GLS: variants seen among roughly 807,000 people sequenced by gnomAD.
GLS encodes the protein glutaminase, also known as glutaminase kidney isoform, mitochondrial.
GLS carries 36 observed loss-of-function variants against 86.7 expected under a neutral mutation model. The observed-to-expected ratio is 0.42, with a 90% CI of 0.32 to 0.55. GLS has a LOEUF of 0.55. GLS is among the 20% of genes least tolerant of loss of function. The pLI, the probability that GLS is intolerant of heterozygous loss-of-function variation, is 0.17. For synonymous variants in GLS, 317 were observed against 305.9 expected (o/e 1.04, Z -0.38); for missense variants, 528 against 833.4 (o/e 0.63, Z 4.51).
rs1316207902 is a variant in GLS at position 190,913,416 on chromosome 2, T to C, written c.1038+3095T>C. 8.5e-6 allele frequency: 8 copies of C among 944,050 alleles called. No individual in the cohort carries two copies. The South Asian group carries it at 1.8e-4, about 22-fold the overall frequency. The allele number at this position is 944,050 out of a possible 1,614,324, so 58.5% of individuals were successfully genotyped here. A position where few individuals can be genotyped will look rare whatever the true frequency, so the allele number is the denominator to read the frequency against. The stretch of plus-strand genomic sequence containing the variant: ...AATTTTATACTTAAAATGCACATAA[T>C]TTTTAAAAATCATAAGGGTATTATA... On this transcript the variant is annotated intron_variant, in intron 7 of 17. Transcript: ENST00000320717. This position sits in a 1 kb window ranked among gnomAD's most constrained non-coding sequence, Gnocchi z 6.1.
At chr2:190,899,314 CTG>C (rs942896205) in intron 3 of GLS, among the ~76,000 whole-genome samples, 17 of 152,080 alleles carry the variant, frequency 1.1e-4, no homozygotes, top group African/African-American at 2.4e-4. Flanking sequence ...GAAATTAGGA[CTG>C]TAATTTTTTT....
intron 12 of GLS, among the ~76,000 whole-genome samples, chr2:190,929,911 G>T (rs1445936197): frequency 6.6e-6 from 1 of 151,650 alleles, no homozygotes; most frequent in East Asian, 1.9e-4. Flanking sequence ...GCAGTGGCAT[G>T]ATCTCAGCTC....
intron 1 of GLS, among the ~76,000 whole-genome samples, chr2:190,891,568 A>T (rs972365077): frequency 1.3e-5 from 2 of 152,124 alleles, no homozygotes; most frequent in African/African-American, 4.8e-5. Flanking sequence ...AATAGTGTAA[A>T]ACTAATTTAT....
At chr2:190,940,637 T>A (rs993761496) in intron 14 of GLS, among the ~76,000 whole-genome samples, 1 of 152,096 alleles carries the variant, frequency 6.6e-6, no homozygotes, top group African/African-American at 2.4e-5. Flanking sequence ...GAAGTTGCTT[T>A]CCCACTTGTG....
At chr2:190,892,499 C>G (rs901610119) in intron 1 of GLS, among the ~76,000 whole-genome samples, 1 of 152,062 alleles carries the variant, frequency 6.6e-6, no homozygotes, top group Admixed American at 6.5e-5. Flanking sequence ...ATACTTCTCT[C>G]AAGGATTTCC....
Position 190,900,642 on chromosome 2 carries a change from C to T in GLS, c.684C>T (p.Thr228=), listed in dbSNP as rs540457141. Residue 228 remains threonine, a synonymous_variant, in exon 4 of 18, where the codon ACC becomes ACT. Coordinates refer to ENST00000320717, the MANE Select transcript of GLS (RefSeq NM_014905.5). ...TGATTCCTGACTTTATGTCTTTTAC[C>T]TCACACATTGATGAGTTATATGAAA... ...KFVIPDFMSF[T]SHIDELYESA... 39 of 1,603,792 alleles carry T rather than the reference C, an allele frequency of 2.4e-5. No individual in the cohort carries two copies. In the East Asian group the frequency reaches 8.3e-4, roughly 34 times the overall value.
Position 190,881,364 on chromosome 2 carries a change from G to A in GLS, c.280G>A (p.Val94Met). The change falls in exon 1 of 18, where the codon GTG (valine) becomes ATG (methionine). Residue 94 changes from valine (V) to methionine (M), a missense_variant. By Grantham distance (21) the Val-to-Met change is conservative. Around this residue, in one of 4 missense-constraint regions of GLS, gnomAD observed 224 missense variants for 187.9 expected, o/e 1.19. Transcript: ENST00000320717. ...GGGGAGCACGCATCCGCAGCCCGGG[G>A]TGTCGCCACCCGCTGCCCCGGCGGC... ...GKGSTHPQPG[V>M]SPPAAPAAPG... 1.3e-6 allele frequency: 2 copies of A among 1,539,316 alleles called. No individual in the cohort carries two copies. Among genetic ancestry groups the A allele is most frequent in the East Asian group, 2.5e-5 (1 of 39,642 alleles).
intron 7 of GLS, among the ~76,000 whole-genome samples, chr2:190,915,892 CT>C (rs1689515515): frequency 6.6e-6 from 1 of 152,148 alleles, no homozygotes; most frequent in Non-Finnish European, 1.5e-5. Flanking sequence ...GAAAGGGAAT[CT>C]TAAGTTGTCA....
chr2:190,923,550 A>G (rs1366677967), intron 9 of GLS, among the ~76,000 whole-genome samples: 4 of 152,206 alleles, frequency 2.6e-5, no homozygotes, highest in African/African-American at 7.2e-5. Context: ...GATTATGTCA[A>G]TTAAAATGGA....
At chr2:190,917,057 A>T (rs1174638101) in intron 7 of GLS, among the ~76,000 whole-genome samples, 1 of 152,194 alleles carries the variant, frequency 6.6e-6, no homozygotes, top group East Asian at 1.9e-4. Flanking sequence ...TGAAGTTGCC[A>T]CATCAATTGA....
At position 190,953,423 on chromosome 2, in the gene GLS, T is replaced by C. The variant is rs1690771850; in HGVS notation, c.1651-142T>C. The C allele has an allele frequency of 6.4e-6, 4 of 620,436 alleles. No homozygotes were observed. Among genetic ancestry groups the C allele is most frequent in the Non-Finnish European group, 8.9e-6 (3 of 336,750 alleles). 38.4% of individuals were successfully genotyped at this position (620,436 alleles called of 1,614,324 possible). A position where few individuals can be genotyped will look rare whatever the true frequency, so the allele number is the denominator to read the frequency against. On this transcript the variant is annotated intron_variant, in intron 14 of 17. Coordinates refer to ENST00000320717, the MANE Select transcript of GLS (RefSeq NM_014905.5). This position sits in a 1 kb window ranked among gnomAD's most constrained non-coding sequence, Gnocchi z 4.0. Reference sequence around the variant, plus strand: ...TATCACACACGTGGGTTCTTTTGGCTATGGAAGTGTCCTTGAGATCACTTT... The same window carrying C: ...TATCACACACGTGGGTTCTTTTGGCCATGGAAGTGTCCTTGAGATCACTTT...
intron 1 of GLS, 167 bp downstream of exon 1, chr2:190,881,637 C>T: frequency 3.3e-6 from 2 of 604,328 alleles, no homozygotes; most frequent in Non-Finnish European, 5.3e-6. Flanking sequence ...GGCCCGGCCC[C>T]GCCCGCGCCT....
At chr2:190,946,656 A>G (rs1458769055) in intron 14 of GLS, among the ~76,000 whole-genome samples, 1 of 152,100 alleles carries the variant, frequency 6.6e-6, no homozygotes, top group Non-Finnish European at 1.5e-5. Context: ...AAACCAGTGA[A>G]CCAATTTTTC....
In GLS at chr2:190,892,696, G is replaced by A. The variant is rs1036078279; in HGVS notation, c.387-2456G>A. 4.6e-5 allele frequency among the ~76,000 whole-genome samples: 7 copies of A among 152,098 alleles called. No individual in the cohort carries two copies. The South Asian group carries it at 8.3e-4, about 18-fold the overall frequency. Reference sequence around the variant, plus strand: ...GGAGAATATTTGAGTATGTTTGTTCGCCAGACTGTTGAAGCGAATTCATTC... The same window carrying A: ...GGAGAATATTTGAGTATGTTTGTTCACCAGACTGTTGAAGCGAATTCATTC... On this transcript the variant is annotated intron_variant, in intron 1 of 17. Transcript: ENST00000320717.
intron 7 of GLS, among the ~76,000 whole-genome samples, chr2:190,915,997 T>C (rs908030643): frequency 1.3e-5 from 2 of 152,326 alleles, no homozygotes; most frequent in East Asian, 1.9e-4. Flanking sequence ...CTGAGTAACA[T>C]TGCTATAATA....
In GLS at chr2:190,952,460, G is replaced by A. The variant is rs185894857; in HGVS notation, c.1651-1105G>A. 1.3e-3 allele frequency among the ~76,000 whole-genome samples: 203 copies of A among 152,174 alleles called. 1 individual carries two copies. The highest frequency in any genetic ancestry group is 2.0e-3 in the African/African-American group (82 of 41,530). On this transcript the variant is annotated intron_variant, in intron 14 of 17. Coordinates refer to ENST00000320717, the MANE Select transcript of GLS (RefSeq NM_014905.5). ...TCCTTATTTTCATGGGCCATCTTACGGACTAGTTTCTGCAAATTACACTTT... is the reference window on the plus strand; with the variant it reads ...TCCTTATTTTCATGGGCCATCTTACAGACTAGTTTCTGCAAATTACACTTT...
chr2:190,962,787 T>C lies in GLS; in HGVS notation c.1854-43T>C. On this transcript the variant is annotated intron_variant, in intron 17 of 17. Transcript: ENST00000320717. The surrounding 1 kb of genome is among the most constrained non-coding windows in gnomAD (Gnocchi z 4.2). ...AATGTGGGGTGATCATCTTTGTACA[T>C]AAATTACCTAATGACCCTGTCCATG... 1 of 1,300,324 alleles carries C rather than the reference T, an allele frequency of 7.7e-7. No individual in the cohort carries two copies. The highest frequency in any genetic ancestry group is 1.0e-6 in the Non-Finnish European group (1 of 991,680). The allele number at this position is 1,300,324 out of a possible 1,614,324, so 80.5% of individuals were successfully genotyped here.
intron 14 of GLS, among the ~76,000 whole-genome samples, chr2:190,946,345 C>G (rs930597015): frequency 1.3e-5 from 2 of 152,026 alleles, no homozygotes; most frequent in Non-Finnish European, 2.9e-5. Context: ...TGGAGTGAAG[C>G]CTTTAAAACA....
intron 14 of GLS, among the ~76,000 whole-genome samples, chr2:190,948,257 C>A (rs555398520): frequency 1.0e-3 from 158 of 152,268 alleles, no homozygotes; most frequent in African/African-American, 3.7e-3. Context: ...CCATGTTAGT[C>A]TTTAATAATT....
Sources: gnomAD v4.1 joint callset for allele counts (sites outside exome capture counted in the v4.1 genomes callset) on GRCh38, gnomAD v4.1.1 for gene constraint, gnomAD v4.1.1 regional missense constraint, Gnocchi (gnomAD v3.1) non-coding constraint, MANE v1.5 for transcripts, NCBI Gene and HGNC (gene_info 2026-07-23, HGNC 2026-07-21) for gene names.